The following NRXN3 variants were observed in gnomAD, a reference collection of about 807,000 sequenced individuals.
NRXN3 encodes neurexin 3.
A neutral mutation model predicts 137.6 loss-of-function variants in NRXN3; 32 were observed. That is an observed-to-expected ratio of 0.23 (90% CI 0.18 to 0.31). NRXN3 has a LOEUF of 0.31. NRXN3 is among the 10% of genes least tolerant of loss of function. NRXN3 has a pLI of 1.00. For missense variants in NRXN3, 1,574 were observed against 2,062.5 expected (o/e 0.76, Z 4.59); for synonymous variants, 798 against 784.5 (o/e 1.02, Z -0.29).
chr14:78,966,274 T>C lies in NRXN3; in HGVS notation c.2645T>C (p.Leu882Pro). Residue 882 changes from leucine (L) to proline (P), a missense_variant, in exon 12 of 21, where the codon CTG becomes CCG. Coordinates refer to ENST00000335750, the MANE Select transcript of NRXN3 (RefSeq NM_001330195.2). ...PVTFKTKSSY[L>P]SLATLQAYTS... ...ACCTTTAAGACCAAGAGCAGCTACC[T>C]GAGCCTTGCCACTCTTCAGGCTTAC... 1 of 1,614,198 alleles carries C rather than the reference T, an allele frequency of 6.2e-7. No homozygotes were observed. The highest frequency in any genetic ancestry group is 8.5e-7 in the Non-Finnish European group (1 of 1,180,014).
chr14:79,518,906 T>C (rs2097026839), intron 16 of NRXN3, among the ~76,000 whole-genome samples: 1 of 152,186 alleles, frequency 6.6e-6, no homozygotes, highest in Admixed American at 6.5e-5. Context: ...CCCGTTAGCA[T>C]TGAGTATTCT....
chr14:79,708,944 T>C (rs1454818913), intron 19 of NRXN3, among the ~76,000 whole-genome samples: 1 of 152,064 alleles, frequency 6.6e-6, no homozygotes, highest in Non-Finnish European at 1.5e-5. Context: ...TGCAACCTCT[T>C]ATATCTCTGG....
intron 15 of NRXN3, among the ~76,000 whole-genome samples, chr14:79,104,373 G>A (rs1004490993): frequency 1.3e-5 from 2 of 152,112 alleles, no homozygotes; most frequent in African/African-American, 4.8e-5. Context: ...GAGTATAGAT[G>A]AGATATAGTA....
chr14:78,175,897 T>C (rs1223931644), intron 1 of NRXN3, among the ~76,000 whole-genome samples: 6 of 152,242 alleles, frequency 3.9e-5, no homozygotes, highest in Admixed American at 2.0e-4. Context: ...TAATATTATA[T>C]TATACGATGA....
Position 79,579,490 on chromosome 14 carries a change from G to C in NRXN3, c.3445-84288G>C, listed in dbSNP as rs567196310. On this transcript the variant is annotated intron_variant, in intron 16 of 20. Coordinates refer to ENST00000335750, the MANE Select transcript of NRXN3 (RefSeq NM_001330195.2). ...TAGCCAATCTATGTGTGATGGGACT[G>C]ATAATATAACCAGGAGCTCTCCAAA... Among the ~76,000 whole-genome samples the C allele has an allele frequency of 5.9e-5, 9 of 151,778 alleles. No individual in the cohort carries two copies. In the South Asian group the frequency reaches 1.9e-3, roughly 32 times the overall value.
chr14:78,446,251 T>C (rs1253785652), intron 4 of NRXN3, among the ~76,000 whole-genome samples: 24 of 152,112 alleles, frequency 1.6e-4, no homozygotes, highest in Admixed American at 1.6e-3. Context: ...CTCTCTTTTT[T>C]CCCCAAATTT....
At chr14:79,425,341 A>C (rs2095639822) in intron 15 of NRXN3, among the ~76,000 whole-genome samples, 1 of 152,214 alleles carries the variant, frequency 6.6e-6, no homozygotes, top group South Asian at 2.1e-4. Context: ...ATTTTATAAA[A>C]GTGACAAAAA....
intron 6 of NRXN3, among the ~76,000 whole-genome samples, chr14:78,658,724 A>G (rs907163063): frequency 3.3e-5 from 5 of 152,228 alleles, no homozygotes; most frequent in African/African-American, 9.6e-5. Flanking sequence ...AACACACATT[A>G]TTGCTTTGGG....
chr14:79,768,256 T>A (rs1262980651), intron 19 of NRXN3, among the ~76,000 whole-genome samples: 1 of 152,198 alleles, frequency 6.6e-6, no homozygotes, highest in East Asian at 1.9e-4. Context: ...AAGCTCCAAC[T>A]GGGTGGAGCC....
chr14:78,472,400 A>G (rs1053872098), intron 4 of NRXN3, among the ~76,000 whole-genome samples: 32 of 152,198 alleles, frequency 2.1e-4, no homozygotes, highest in Admixed American at 2.0e-3. Context: ...AACAACATTT[A>G]GTAATTTTCC....
chr14:78,254,993 G>C (rs1055541730), intron 2 of NRXN3, among the ~76,000 whole-genome samples: 1 of 151,978 alleles, frequency 6.6e-6, no homozygotes, highest in African/African-American at 2.4e-5. Flanking sequence ...TTTTGGCACT[G>C]TTGGGCAGAA....
intron 15 of NRXN3, among the ~76,000 whole-genome samples, chr14:79,178,021 C>T (rs181413842): frequency 3.3e-5 from 5 of 152,248 alleles, no homozygotes; most frequent in Middle Eastern, 3.4e-3. Flanking sequence ...GCCATCAAGG[C>T]CAGTAATAGA....
intron 5 of NRXN3, among the ~76,000 whole-genome samples, chr14:78,649,750 C>G (rs2097722462): frequency 6.6e-6 from 1 of 151,848 alleles, no homozygotes; most frequent in South Asian, 2.1e-4. Context: ...TCCTTAGTCC[C>G]TTTTCTCTTT....
At position 78,266,447 on chromosome 14, in the gene NRXN3, T is replaced by C. The variant is rs762966803; in HGVS notation, c.710-12198T>C. ...CTGAGTAGCTGAGATTACAGGCACA[T>C]ACCACCACGCCCAGCTAATTTTTGT... On this transcript the variant is annotated intron_variant, in intron 2 of 20. Transcript: ENST00000335750. 1.3e-4 allele frequency among the ~76,000 whole-genome samples: 20 copies of C among 152,134 alleles called. No homozygotes were observed. The East Asian group carries it at 2.3e-3, about 18-fold the overall frequency.
intron 1 of NRXN3, among the ~76,000 whole-genome samples, chr14:78,185,589 G>A (rs1293170286): frequency 1.3e-5 from 2 of 152,178 alleles, no homozygotes; most frequent in Non-Finnish European, 2.9e-5. Flanking sequence ...GGAATTTGTA[G>A]GGGATGGGGT....
At chr14:79,281,923 G>A (rs2081339747) in intron 15 of NRXN3, 2 of 152,206 alleles carry the variant, frequency 1.3e-5, no homozygotes, top group Non-Finnish European at 2.9e-5. Flanking sequence ...GAAGCACATT[G>A]AGAAAATGCC....
At chr14:79,507,170 G>T (rs948493023) in intron 16 of NRXN3, among the ~76,000 whole-genome samples, 1 of 152,128 alleles carries the variant, frequency 6.6e-6, no homozygotes, top group African/African-American at 2.4e-5. Flanking sequence ...CTTTTAACAC[G>T]GAAGCTAACT....
At chr14:79,838,426 G>A (rs1159039376) in intron 20 of NRXN3, among the ~76,000 whole-genome samples, 1 of 152,168 alleles carries the variant, frequency 6.6e-6, no homozygotes, top group Non-Finnish European at 1.5e-5. Flanking sequence ...AAATGTGGCA[G>A]TATTGCTAAA....
In NRXN3 at chr14:78,297,837, C is replaced by T. The variant is rs1015180364; in HGVS notation, c.734C>T (p.Ser245Phe). The T allele has an allele frequency of 3.9e-6, 6 of 1,536,008 alleles. No individual in the cohort carries two copies. Among genetic ancestry groups the T allele is most frequent in the African/African-American group, 1.4e-5 (1 of 73,044 alleles). The change falls in exon 4 of 21, where the codon TCC (serine) becomes TTC (phenylalanine). Residue 245 changes from serine to phenylalanine, a missense_variant. Ser to Phe is a radical substitution (Grantham distance 155, BLOSUM62 -2). Around this residue, in one of 5 missense-constraint regions of NRXN3, gnomAD observed 400 missense variants for 527.3 expected, o/e 0.76. Transcript: ENST00000335750. ...SEDVSQDPGL[S>F]HLMMSEQARE... is the part of the protein sequence containing the mutation. ...CCCTGTTTCTCTTCCTCAGGCCTCT[C>T]CCACCTCATGATGAGTGAACAAGGT...
Sources: gnomAD v4.1 joint callset for allele counts (sites outside exome capture counted in the v4.1 genomes callset) on GRCh38, gnomAD v4.1.1 for gene constraint, gnomAD v4.1.1 regional missense constraint, MANE v1.5 for transcripts, NCBI Gene and HGNC (gene_info 2026-07-23, HGNC 2026-07-21) for gene names.